The following RNF43 variants were observed in gnomAD, a reference collection of about 807,000 sequenced individuals.
RNF43 encodes the protein E3 ubiquitin-protein ligase RNF43.
In RNF43, 37 loss-of-function variants were observed where a neutral mutation model predicts 78.4. The observed-to-expected ratio is 0.47, with a 90% CI of 0.36 to 0.62. The LOEUF (loss-of-function observed/expected upper bound fraction) is 0.62. RNF43 is among the 20% of genes least tolerant of loss of function. The pLI is 0.00. For synonymous variants in RNF43, 347 were observed against 395.0 expected, an observed-to-expected ratio of 0.88 and a Z score of 1.44; for missense variants, 774 against 1,007.9, an observed-to-expected ratio of 0.77 and a Z score of 3.14.
At chr17:58,397,751 A>G (rs556359500) in intron 2 of RNF43, among the ~76,000 whole-genome samples, 10 of 152,102 alleles carry the variant, frequency 6.6e-5, no homozygotes, top group African/African-American at 1.9e-4. Flanking sequence ...GCCCAGAGAG[A>G]CATTAAAATG....
In RNF43 at chr17:58,360,655, C is replaced by T. The variant is rs751596171; in HGVS notation, c.849+128G>A. Reference sequence around the variant, plus strand: ...CTTCAGGCTGGTCCCTGATCTCTGCCTCATGCAGGACACATGGGAAACAGA... The same window carrying T: ...CTTCAGGCTGGTCCCTGATCTCTGCTTCATGCAGGACACATGGGAAACAGA... On this transcript the variant is annotated intron_variant, in intron 7 of 9. Coordinates refer to ENST00000407977, the MANE Select transcript of RNF43 (RefSeq NM_017763.6). The surrounding 1 kb of genome is among the most constrained non-coding windows in gnomAD (Gnocchi z 4.3). 5 of 1,018,704 alleles carry T rather than the reference C, an allele frequency of 4.9e-6. No homozygotes were observed. Among genetic ancestry groups the T allele is most frequent in the Non-Finnish European group, 5.6e-6 (4 of 712,798 alleles). 63.1% of individuals were successfully genotyped at this position (1,018,704 alleles called of 1,614,324 possible). A position where few individuals can be genotyped will look rare whatever the true frequency, so the allele number is the denominator to read the frequency against.
Position 58,358,473 on chromosome 17 carries a change from G to A in RNF43, c.1303C>T (p.Leu435=), listed in dbSNP as rs749862747. The A allele has an allele frequency of 2.0e-5, 33 of 1,613,836 alleles. No homozygotes were observed. In the East Asian group the frequency reaches 7.4e-4, roughly 36 times the overall value. ...SQHPAACPVP[L]RRARPPDSSG... ...CTGTCAGGGGGCCTGGCCCGGCGTAGGGGCACTGGGCAAGCAGCAGGGTGC... is the reference window on the plus strand; with the variant it reads ...CTGTCAGGGGGCCTGGCCCGGCGTAAGGGCACTGGGCAAGCAGCAGGGTGC... Residue 435 remains leucine, a synonymous_variant, in exon 9 of 10, where the codon CTA becomes TTA. Transcript: ENST00000407977. This position sits in a 1 kb window ranked among gnomAD's most constrained non-coding sequence, Gnocchi z 6.2.
At chr17:58,392,270 A>G (rs1420245744) in intron 2 of RNF43, among the ~76,000 whole-genome samples, 1 of 152,260 alleles carries the variant, frequency 6.6e-6, no homozygotes, top group Non-Finnish European at 1.5e-5. Context: ...GAATCCCAAG[A>G]GACTAAATGG....
Position 58,360,118 on chromosome 17 carries a change from C to T in RNF43, c.952+31G>A, listed in dbSNP as rs763826792. On this transcript the variant is annotated intron_variant, in intron 8 of 9. Coordinates refer to ENST00000407977, the MANE Select transcript of RNF43 (RefSeq NM_017763.6). This position sits in a 1 kb window ranked among gnomAD's most constrained non-coding sequence, Gnocchi z 4.3. ...GCCACATTCTAGACCTGTCTGCCTACACAGAGGGGAGTCCTTGGCCCACCT... is the reference window on the plus strand; with the variant it reads ...GCCACATTCTAGACCTGTCTGCCTATACAGAGGGGAGTCCTTGGCCCACCT... 1.3e-6 allele frequency: 2 copies of T among 1,539,662 alleles called. No homozygotes were observed. The highest frequency in any genetic ancestry group is 1.8e-6 in the Non-Finnish European group (2 of 1,113,258).
intron 2 of RNF43, chr17:58,402,681 A>T (rs1365308211): frequency 1.3e-5 from 2 of 152,254 alleles, no homozygotes; most frequent in South Asian, 2.1e-4. Flanking sequence ...AATTTTCTTC[A>T]AATGATAAAT....
chr17:58,416,734 TC>T (rs2143702280), intron 1 of RNF43: 1 of 152,272 alleles, frequency 6.6e-6, no homozygotes, highest in Admixed American at 6.5e-5. Context: ...ATACAAATAA[TC>T]TTGAGTAGAA....
At chr17:58,372,030 G>A (rs931074848) in intron 2 of RNF43, among the ~76,000 whole-genome samples, 3 of 152,178 alleles carry the variant, frequency 2.0e-5, no homozygotes, top group Non-Finnish European at 4.4e-5. Flanking sequence ...CTATATAGTA[G>A]AAACCCCACA....
rs1048433373 is a variant in RNF43, at chr17:58,353,791, C to A, written c.*1152G>T. 1 of 203,226 alleles carries A rather than the reference C, an allele frequency of 4.9e-6. No individual in the cohort carries two copies. The highest frequency in any genetic ancestry group is 2.3e-5 in the African/African-American group (1 of 43,566). 12.6% of individuals were successfully genotyped at this position (203,226 alleles called of 1,614,324 possible). On this transcript the variant is annotated 3_prime_UTR_variant, in exon 10 of 10. Transcript: ENST00000407977. ...GGGTACCTAGGTGCTAGTCTCCCCA[C>A]TAACTGAGGGAAAAAGGTTCCCAGG...
At chr17:58,359,603 C>CAAA (rs1415585411) in intron 8 of RNF43, among the ~76,000 whole-genome samples, 6 of 146,024 alleles carry the variant, frequency 4.1e-5, no homozygotes, top group African/African-American at 7.6e-5. Context: ...GACTCCAACT[C>CAAA]AAAAAATAAT....
intron 3 of RNF43, among the ~76,000 whole-genome samples, chr17:58,368,712 CAAAAAAAAAAAAA>C (rs71365882): frequency 1.1e-4 from 11 of 95,818 alleles, no homozygotes; most frequent in Admixed American, 9.7e-4. Context: ...GACTCTGTCT[CAAAAAAAAAAAAA>C]AAGAAAAAAG....
At position 58,363,310 on chromosome 17, in the gene RNF43, G is replaced by A; in HGVS notation, c.547C>T (p.His183Tyr). Reference protein sequence around the residue: ...MEFVYKNQKAHVRIELKEPPA... With the variant: ...MEFVYKNQKAYVRIELKEPPA... ...GGCTCCTTCAGCTCAATCCTCACAT[G>A]GGCCTTTTGGTTCTTGTACACAAAC... is the stretch of plus-strand genomic sequence containing the variant. The change falls in exon 5 of 10, where the codon CAT (histidine) becomes TAT (tyrosine). Residue 183 changes from histidine (H) to tyrosine (Y), a missense_variant. Physicochemically the swap from His to Tyr is moderately conservative, Grantham distance 83 (BLOSUM62 2). Transcript: ENST00000407977. 1.2e-6 allele frequency: 2 copies of A among 1,614,066 alleles called. No individual in the cohort carries two copies. The highest frequency in any genetic ancestry group is 1.7e-6 in the Non-Finnish European group (2 of 1,180,008).
intron 2 of RNF43, among the ~76,000 whole-genome samples, chr17:58,414,811 T>C (rs1022186224): frequency 4.6e-5 from 7 of 152,324 alleles, no homozygotes; most frequent in Non-Finnish European, 8.8e-5. Context: ...GGGTTAGCAA[T>C]AGGGTGCCAC....
chr17:58,357,047 C>A lies in RNF43; in HGVS notation c.2308+421G>T, dbSNP rs1490462710. 5 of 604,296 alleles carry A rather than the reference C, an allele frequency of 8.3e-6. No individual in the cohort carries two copies. The highest frequency in any genetic ancestry group is 1.2e-5 in the Non-Finnish European group (4 of 338,424). 37.4% of individuals were successfully genotyped at this position (604,296 alleles called of 1,614,324 possible). ...TAGCTGGGATTATAAGTGCCCGCCA[C>A]CATACCCGGCTAATTTTTGTATTTT... is the stretch of plus-strand genomic sequence containing the variant. On this transcript the variant is annotated intron_variant, in intron 9 of 9. Coordinates refer to ENST00000407977, the MANE Select transcript of RNF43 (RefSeq NM_017763.6). This position sits in a 1 kb window ranked among gnomAD's most constrained non-coding sequence, Gnocchi z 4.5.
Position 58,358,645 on chromosome 17 carries a change from T to C in RNF43, c.1131A>G (p.Pro377=). ...ARPPRPGPFL[P]SQEPGMGPRH... is the part of the protein sequence containing the mutation. ...GAGGGCCCATGCCTGGCTCCTGGGA[T>C]GGCAGGAAGGGACCAGGTCGTGGGG... The change falls in exon 9 of 10, where the codon CCA becomes CCG. Residue 377 remains proline (P), a synonymous_variant. Coordinates refer to ENST00000407977, the MANE Select transcript of RNF43 (RefSeq NM_017763.6). This position sits in a 1 kb window ranked among gnomAD's most constrained non-coding sequence, Gnocchi z 6.2. The C allele has an allele frequency of 2.0e-6, 3 of 1,531,754 alleles. No homozygotes were observed. The highest frequency in any genetic ancestry group is 2.7e-5 in the African/African-American group (2 of 73,258). The allele number at this position is 1,531,754 out of a possible 1,614,324, so 94.9% of individuals were successfully genotyped here.
intron 2 of RNF43, among the ~76,000 whole-genome samples, chr17:58,399,886 C>T (rs1034881057): frequency 2.0e-5 from 3 of 152,074 alleles, no homozygotes; most frequent in Non-Finnish European, 2.9e-5. Flanking sequence ...ATGATCCACC[C>T]GCCTCAGCCT....
chr17:58,358,616 T>C lies in RNF43; in HGVS notation c.1160A>G (p.His387Arg), dbSNP rs2143421988. Residue 387 changes from histidine to arginine, a missense_variant, in exon 9 of 10, where the codon CAT becomes CGT. Transcript: ENST00000407977. This position sits in a 1 kb window ranked among gnomAD's most constrained non-coding sequence, Gnocchi z 6.2. ...PSQEPGMGPR[H>R]HRFPRAAHPR... is the part of the protein sequence containing the mutation. ...ATGTGCAGCTCTGGGGAAGCGGTGA[T>C]GCCGAGGGCCCATGCCTGGCTCCTG... The C allele has an allele frequency of 6.4e-7, 1 of 1,560,352 alleles. No homozygotes were observed. The highest frequency in any genetic ancestry group is 8.7e-7 in the Non-Finnish European group (1 of 1,151,494).
chr17:58,378,200 G>A (rs1003777689), intron 2 of RNF43, among the ~76,000 whole-genome samples: 3 of 152,172 alleles, frequency 2.0e-5, no homozygotes, highest in Admixed American at 6.5e-5. Flanking sequence ...GAGTTTCCAC[G>A]AATCAAGTTG....
intron 3 of RNF43, among the ~76,000 whole-genome samples, chr17:58,364,869 T>G (rs1484791608): frequency 6.6e-6 from 1 of 152,244 alleles, no homozygotes; most frequent in Non-Finnish European, 1.5e-5. Flanking sequence ...CCAGGCAGGC[T>G]GGGAGCAGCT....
intron 2 of RNF43, among the ~76,000 whole-genome samples, chr17:58,376,962 C>A (rs564034793): frequency 3.9e-5 from 6 of 152,236 alleles, no homozygotes; most frequent in Admixed American, 3.3e-4. Context: ...ATATTTTATA[C>A]CCCCTGTGTA....
Sources: gnomAD v4.1 joint callset for allele counts (sites outside exome capture counted in the v4.1 genomes callset) on GRCh38, gnomAD v4.1.1 for gene constraint, Gnocchi (gnomAD v3.1) non-coding constraint, MANE v1.5 for transcripts, NCBI Gene and HGNC (gene_info 2026-07-23, HGNC 2026-07-21) for gene names.